CHD1L: variants seen among roughly 807,000 people sequenced by gnomAD.
CHD1L encodes ATP-dependent chromatin remodeler CHD1L.
CHD1L carries 118 observed loss-of-function variants against 115.9 expected under a neutral mutation model. The observed-to-expected ratio is 1.02, with a 90% confidence interval of 0.88 to 1.19. CHD1L has a LOEUF of 1.19. Among genes scored for constraint, CHD1L ranks in the 50% most tolerant of loss-of-function variants. The pLI is 0.00. For missense variants in CHD1L, 1,179 were observed against 1,065.3 expected (o/e 1.11, Z -1.49); for synonymous variants, 411 against 387.1 (o/e 1.06, Z -0.72).
At chr1:147,242,911 G>A in intron 1 of CHD1L, 81 bp downstream of exon 1, 3 of 1,230,876 alleles carry the variant, frequency 2.4e-6, no homozygotes, top group Non-Finnish European at 3.1e-6. Context: ...CGCAGCGGGT[G>A]GGCCGCCCGG....
intron 1 of CHD1L, among the ~76,000 whole-genome samples, chr1:147,251,014 A>G (rs1293417664): frequency 3.9e-5 from 6 of 152,310 alleles, no homozygotes; most frequent in African/African-American, 1.4e-4. Context: ...GCCTGCTGCC[A>G]TGTAAGATGT....
chr1:147,194,563 G>C, the CHD1L span, among the ~76,000 whole-genome samples: 7 of 152,128 alleles, frequency 4.6e-5, no homozygotes, highest in Non-Finnish European at 8.8e-5. Flanking sequence ...ATGTTAGCTG[G>C]TTATTTTGCT....
Position 147,264,452 on chromosome 1 carries a change from G to A in CHD1L, c.607G>A (p.Gly203Arg), listed in dbSNP as rs148845749. The change falls in exon 7 of 23, where the codon GGA becomes AGA. Residue 203 changes from glycine (G) to arginine (R), a missense_variant. By Grantham distance (125) the Gly-to-Arg change is moderately radical. Transcript: ENST00000369258. ...FSVVFSLLLTGTPIQNSLQEL... is the reference protein window; with the variant it reads ...FSVVFSLLLTRTPIQNSLQEL... ...AGTAGTCTTCAGTCTCCTGTTGACCGGAACTCCCATCCAGAACAGCCTCCA... is the reference window on the plus strand; with the variant it reads ...AGTAGTCTTCAGTCTCCTGTTGACCAGAACTCCCATCCAGAACAGCCTCCA... 7.9e-4 allele frequency: 1,270 copies of A among 1,612,204 alleles called. No homozygotes were observed. Among genetic ancestry groups the A allele is most frequent in the Non-Finnish European group, 9.1e-4 (1,076 of 1,179,148 alleles).
chr1:147,270,482 T>C (rs587745593), intron 10 of CHD1L, among the ~76,000 whole-genome samples: 1 of 151,746 alleles, frequency 6.6e-6, no homozygotes, highest in South Asian at 2.1e-4. Flanking sequence ...TGTAGATGAC[T>C]GACCACAGGC....
the CHD1L span, chr1:147,187,195 A>AT: frequency 6.2e-7 from 1 of 1,614,110 alleles, no homozygotes; most frequent in Non-Finnish European, 8.5e-7. Context: ...AAGCTCTTCC[A>AT]TGGTATCTAT....
rs587635650 is a variant in CHD1L, at chr1:147,251,830, G to A, written c.128-793G>A. 8.5e-5 allele frequency among the ~76,000 whole-genome samples: 13 copies of A among 152,258 alleles called. No individual in the cohort carries two copies. The East Asian group carries it at 2.5e-3, about 29-fold the overall frequency. On this transcript the variant is annotated intron_variant, in intron 1 of 22. Transcript: ENST00000369258. The stretch of plus-strand genomic sequence containing the variant: ...ACAGGCGTGAGATACTGTAATTTAT[G>A]TAAAGTGTTTACTACTACTCTGGTA...
chr1:147,259,971 AC>A, intron 6 of CHD1L, 53 bp downstream of exon 6: 3 of 1,335,546 alleles, frequency 2.2e-6, no homozygotes, highest in Non-Finnish European at 3.2e-6. Flanking sequence ...TTTTAAATAT[AC>A]ATTATATTTT....
chr1:147,285,068 C>G (rs587707485), intron 16 of CHD1L, among the ~76,000 whole-genome samples: 3 of 152,266 alleles, frequency 2.0e-5, no homozygotes, highest in Non-Finnish European at 2.9e-5. Context: ...TGAAATGAAT[C>G]AAAATGACTG....
intron 11 of CHD1L, among the ~76,000 whole-genome samples, chr1:147,271,342 T>C (rs1439285852): frequency 6.6e-6 from 1 of 152,220 alleles, no homozygotes; most frequent in African/African-American, 2.4e-5. Context: ...AACATTCACC[T>C]CAACAGTTGA....
the CHD1L span, chr1:147,173,085 G>A: frequency 6.6e-6 from 1 of 152,628 alleles, no homozygotes; most frequent in Non-Finnish European, 1.5e-5. Context: ...AGCAGATCAC[G>A]AAGTCAGGAG....
chr1:147,274,656 G>A (rs1329388676), intron 12 of CHD1L, among the ~76,000 whole-genome samples: 1 of 152,070 alleles, frequency 6.6e-6, no homozygotes, highest in Non-Finnish European at 1.5e-5. Context: ...TACCTCCTCA[G>A]CTCTCTTCCT....
the CHD1L span, among the ~76,000 whole-genome samples, chr1:147,232,428 C>T: frequency 3.3e-5 from 5 of 152,124 alleles, no homozygotes; most frequent in African/African-American, 7.2e-5. Context: ...GTTGTATTCC[C>T]ATTATCTCAA....
the CHD1L span, among the ~76,000 whole-genome samples, chr1:147,187,945 C>T: frequency 6.6e-6 from 1 of 151,788 alleles, no homozygotes; most frequent in East Asian, 1.9e-4. Flanking sequence ...AACTGTAGGA[C>T]AGAGAGGAAG....
intron 12 of CHD1L, chr1:147,272,570 A>G: frequency 4.3e-6 from 1 of 232,624 alleles, no homozygotes; most frequent in African/African-American, 2.3e-5. Flanking sequence ...ATTTTGTGGA[A>G]TGTTTCATTT....
chr1:147,199,160 CAGA>C, the CHD1L span, among the ~76,000 whole-genome samples: 3 of 151,758 alleles, frequency 2.0e-5, no homozygotes, highest in Non-Finnish European at 4.4e-5. Flanking sequence ...TTCCAGAGAA[CAGA>C]AGAAGAAGGA....
At chr1:147,268,616 G>A (rs149488001) in intron 9 of CHD1L, among the ~76,000 whole-genome samples, 166 bp from the exon 10 acceptor site, 2 of 152,108 alleles carry the variant, frequency 1.3e-5, no homozygotes, top group African/African-American at 4.8e-5. Flanking sequence ...TGTTTATTAG[G>A]CTTGTTGGAT....
chr1:147,280,055 T>G lies in CHD1L; in HGVS notation c.1569T>G (p.Asp523Glu). Reference protein sequence around the residue: ...QLSEILKFGLDKLLASEGSTM... With the variant: ...QLSEILKFGLEKLLASEGSTM... ...GTGAGATACTCAAATTTGGTTTGGA[T>G]AAACTGCTGGCCTCTGAGGGGAGCA... The change falls in exon 15 of 23, where the codon GAT becomes GAG. Residue 523 changes from aspartate (D) to glutamate (E), a missense_variant. Coordinates refer to ENST00000369258, the MANE Select transcript of CHD1L (RefSeq NM_004284.6). 1 of 1,614,064 alleles carries G rather than the reference T, an allele frequency of 6.2e-7. No individual in the cohort carries two copies.
intron 15 of CHD1L, among the ~76,000 whole-genome samples, chr1:147,281,643 A>G (rs1465297887): frequency 6.6e-6 from 1 of 152,094 alleles, no homozygotes; most frequent in East Asian, 1.9e-4. Context: ...TTATTGTTTT[A>G]ATTGTAACTC....
At position 147,288,347 on chromosome 1, in the gene CHD1L, G is replaced by GAA. The variant is rs1304714956; in HGVS notation, c.2320+618_2320+619dup. Reference sequence around the variant, plus strand: ...CAATAAAAAAAAAAAAAAAAAAAAAGAAAAAGAGAACTATTGGAATAAACA... The same window carrying GAA: ...CAATAAAAAAAAAAAAAAAAAAAAAGAAAAAAAGAGAACTATTGGAATAAACA... On this transcript the variant is annotated intron_variant, in intron 19 of 22. Transcript: ENST00000369258. Among the ~76,000 whole-genome samples, 5 of 122,414 alleles carry GAA rather than the reference G, an allele frequency of 4.1e-5. No individual in the cohort carries two copies. In the South Asian group the frequency reaches 1.0e-3, roughly 25 times the overall value. The allele number at this position is 122,414 out of a possible 152,430, so 80.3% of individuals were successfully genotyped here.
Sources: gnomAD v4.1 joint callset for allele counts (sites outside exome capture counted in the v4.1 genomes callset) on GRCh38, gnomAD v4.1.1 for gene constraint, MANE v1.5 for transcripts, NCBI Gene and HGNC (gene_info 2026-07-23, HGNC 2026-07-21) for gene names.